Variants in ITSN1 observed in about 807,000 individuals in gnomAD.
The protein encoded by ITSN1 is intersectin 1.
In ITSN1, 58 loss-of-function variants were observed where a neutral mutation model predicts 239.8. That is an observed-to-expected ratio of 0.24 (90% CI 0.20 to 0.30). ITSN1 has a LOEUF of 0.30. Ranked by LOEUF, ITSN1 falls within the 10% of genes least tolerant of loss-of-function variation. The pLI is 1.00. For missense variants in ITSN1, 1,558 were observed against 2,103.3 expected (o/e 0.74, Z 5.07); for synonymous variants, 780 against 770.8 (o/e 1.01, Z -0.20).
intron 29 of ITSN1, among the ~76,000 whole-genome samples, chr21:33,854,467 T>C (rs1039589689): frequency 6.6e-6 from 1 of 152,214 alleles, no homozygotes; most frequent in Non-Finnish European, 1.5e-5. Flanking sequence ...CCCGGGCCCT[T>C]TCACTCACTC....
intron 1 of ITSN1, among the ~76,000 whole-genome samples, chr21:33,679,134 TAAAG>T (rs563026922): frequency 1.3e-5 from 2 of 152,242 alleles, no homozygotes; most frequent in Non-Finnish European, 2.9e-5. Context: ...TATTTACCCT[TAAAG>T]AGTGTTTCCC....
intron 5 of ITSN1, 102 bp downstream of exon 5, chr21:33,735,306 G>T: frequency 4.0e-6 from 5 of 1,246,320 alleles, no homozygotes; most frequent in Non-Finnish European, 5.8e-6. Context: ...GAAATTCTAG[G>T]AGGTAATTCT....
intron 1 of ITSN1, among the ~76,000 whole-genome samples, chr21:33,718,417 C>T (rs1304367271): frequency 6.6e-6 from 1 of 152,156 alleles, no homozygotes; most frequent in Non-Finnish European, 1.5e-5. Context: ...CATGTACAGA[C>T]TTTTAAGCTT....
At chr21:33,690,790 CATATATATATATATATATATATATGT>C (rs1199479464) in intron 1 of ITSN1, among the ~76,000 whole-genome samples, 1 of 12,962 alleles carries the variant, frequency 7.7e-5, no homozygotes, top group East Asian at 1.2e-3. Flanking sequence ...TATATATATA[CATATATATATATATATATATATATGT>C]ATATATATAT....
chr21:33,891,838 C>T lies in ITSN1; in HGVS notation c.*3538C>T, dbSNP rs1169523211. 2 of 152,160 alleles carry T rather than the reference C, an allele frequency of 1.3e-5. No individual in the cohort carries two copies. The highest frequency in any genetic ancestry group is 4.8e-5 in the African/African-American group (2 of 41,430). 9.4% of individuals were successfully genotyped at this position (152,160 alleles called of 1,614,324 possible). ...AGAAAAAGACTTCTCTATCTCCACTCCAAGTCGTTTTTTTCTAGTTGATTG... is the reference window on the plus strand; with the variant it reads ...AGAAAAAGACTTCTCTATCTCCACTTCAAGTCGTTTTTTTCTAGTTGATTG... On this transcript the variant is annotated 3_prime_UTR_variant, in exon 40 of 40. Transcript: ENST00000381318.
At chr21:33,711,865 A>C (rs1306011900) in intron 1 of ITSN1, among the ~76,000 whole-genome samples, 9 of 152,168 alleles carry the variant, frequency 5.9e-5, no homozygotes, top group Non-Finnish European at 1.2e-4. Flanking sequence ...TTTATGTTGA[A>C]ACCCTACTAC....
intron 20 of ITSN1, among the ~76,000 whole-genome samples, chr21:33,808,344 G>A (rs2072631638): frequency 6.6e-6 from 1 of 152,132 alleles, no homozygotes. Context: ...CAGAACTTTG[G>A]GAGGCCTAGG....
intron 36 of ITSN1, among the ~76,000 whole-genome samples, chr21:33,884,625 C>T (rs187216222): frequency 7.0e-4 from 107 of 152,278 alleles, no homozygotes; most frequent in African/African-American, 2.4e-3. Flanking sequence ...TTTGGTCTTT[C>T]GTGTGAAGTG....
intron 9 of ITSN1, among the ~76,000 whole-genome samples, chr21:33,763,482 G>A (rs1365392910): frequency 2.0e-5 from 3 of 152,046 alleles, no homozygotes; most frequent in Admixed American, 1.3e-4. Flanking sequence ...AGCATCTGTG[G>A]CCACTACTCA....
chr21:33,742,571 C>T (rs1463491745), intron 5 of ITSN1, among the ~76,000 whole-genome samples: 1 of 152,170 alleles, frequency 6.6e-6, no homozygotes, highest in African/African-American at 2.4e-5. Flanking sequence ...GGGTTATGCT[C>T]TCTGCAGTAC....
chr21:33,647,924 A>G (rs545055698), intron 1 of ITSN1, among the ~76,000 whole-genome samples: 1 of 152,170 alleles, frequency 6.6e-6, no homozygotes, highest in South Asian at 2.1e-4. Context: ...TTGTGAGATT[A>G]TTTTCATTAG....
At chr21:33,817,175 T>C in intron 22 of ITSN1, 1 of 1,231,520 alleles carries the variant, frequency 8.1e-7, no homozygotes, top group Non-Finnish European at 1.0e-6. Context: ...TAAGATACTG[T>C]AATGGTTTAA....
chr21:33,806,392 A>G (rs966672316), intron 20 of ITSN1, among the ~76,000 whole-genome samples: 1 of 152,258 alleles, frequency 6.6e-6, no homozygotes, highest in Non-Finnish European at 1.5e-5. Flanking sequence ...ATCATGTTCT[A>G]TGAGGGGAAA....
intron 9 of ITSN1, 139 bp from the exon 10 acceptor site, chr21:33,765,736 A>C: frequency 1.3e-6 from 1 of 747,056 alleles, no homozygotes; most frequent in South Asian, 1.8e-5. Context: ...TAAAATAGGT[A>C]CTATTTTGAC....
intron 9 of ITSN1, among the ~76,000 whole-genome samples, chr21:33,762,384 A>G (rs1415566267): frequency 6.6e-6 from 1 of 151,408 alleles, no homozygotes; most frequent in African/African-American, 2.4e-5. Context: ...CTCCTGCCTC[A>G]GCCTCCTGAG....
chr21:33,804,327 A>G (rs2148115066), intron 20 of ITSN1, among the ~76,000 whole-genome samples: 1 of 152,364 alleles, frequency 6.6e-6, no homozygotes, highest in East Asian at 1.9e-4. Context: ...TTTAACAAAA[A>G]TTTAATGTGG....
At chr21:33,714,106 A>C (rs1175309656) in intron 1 of ITSN1, among the ~76,000 whole-genome samples, 3 of 150,686 alleles carry the variant, frequency 2.0e-5, no homozygotes, top group Non-Finnish European at 4.4e-5. Context: ...CTGGAATTAC[A>C]GGCGTGAGCC....
intron 1 of ITSN1, among the ~76,000 whole-genome samples, chr21:33,670,235 G>C (rs193197198): frequency 6.6e-6 from 1 of 152,074 alleles, no homozygotes; most frequent in Non-Finnish European, 1.5e-5. Context: ...TGTGCCTGTG[G>C]TTCCAGCTAT....
chr21:33,683,761 A>G (rs771834441), intron 1 of ITSN1, among the ~76,000 whole-genome samples: 38 of 152,188 alleles, frequency 2.5e-4, no homozygotes, highest in Non-Finnish European at 5.0e-4. Context: ...GCAGTTTCCA[A>G]ATATTTGAAA....
Sources: allele counts gnomAD v4.1 joint callset (sites outside exome capture counted in the v4.1 genomes callset), GRCh38; gene constraint gnomAD v4.1.1; transcripts MANE v1.5; gene names NCBI Gene and HGNC (gene_info 2026-07-23, HGNC 2026-07-21).